The following POLD3 variants were observed in gnomAD, a reference collection of about 807,000 sequenced individuals.
POLD3 encodes DNA polymerase delta subunit 3.
In POLD3, 19 loss-of-function variants were observed where a neutral mutation model predicts 58.2. That is an observed-to-expected ratio of 0.33 (90% CI 0.23 to 0.48). The LOEUF is 0.48. POLD3 is among the 20% of genes least tolerant of loss of function. The probability of loss-of-function intolerance (pLI) is 0.99; values close to 1 mark genes in which losing one functional copy is unlikely to be tolerated. For synonymous variants in POLD3, 172 were observed against 193.5 expected, an observed-to-expected ratio of 0.89 and a Z score of 0.92; for missense variants, 504 against 545.5, an observed-to-expected ratio of 0.92 and a Z score of 0.76.
At chr11:74,647,585 G>A (rs1266627180), downstream of POLD3, among the ~76,000 whole-genome samples, 1 of 152,092 alleles carries the variant, frequency 6.6e-6, no homozygotes, top group Non-Finnish European at 1.5e-5. Context: ...GAATATATTG[G>A]TGCACTTACA....
intron 4 of POLD3, among the ~76,000 whole-genome samples, chr11:74,668,074 T>C (rs2033294184): frequency 6.6e-6 from 1 of 152,110 alleles, no homozygotes; most frequent in South Asian, 2.1e-4. Context: ...AAAGAGACAA[T>C]AGCAAGTGTT....
At chr11:74,654,785 A>G (rs1262130992) in intron 4 of POLD3, among the ~76,000 whole-genome samples, 2 of 152,138 alleles carry the variant, frequency 1.3e-5, no homozygotes, top group Non-Finnish European at 2.9e-5. Flanking sequence ...AATTTGAAAA[A>G]CTGCATGCCC....
At chr11:74,607,808 C>A (rs139852132) in intron 3 of POLD3, among the ~76,000 whole-genome samples, 2 of 152,140 alleles carry the variant, frequency 1.3e-5, no homozygotes, top group East Asian at 3.9e-4. Flanking sequence ...TCTTGAACTT[C>A]TAAGTTCAAG....
chr11:74,634,492 C>A, intron 9 of POLD3, 91 bp from the exon 10 acceptor site: 1 of 734,146 alleles, frequency 1.4e-6, no homozygotes, highest in Non-Finnish European at 2.5e-6. Flanking sequence ...ATCCCCTTTG[C>A]TGGACATGTC....
At chr11:74,648,095 G>T (rs1033989729) in intron 4 of POLD3, among the ~76,000 whole-genome samples, 1 of 152,152 alleles carries the variant, frequency 6.6e-6, no homozygotes, top group African/African-American at 2.4e-5. Context: ...ATATTTGAAC[G>T]CTTGTGATTA....
intron 8 of POLD3, among the ~76,000 whole-genome samples, chr11:74,626,069 A>G (rs1485130169): frequency 1.3e-5 from 2 of 152,206 alleles, no homozygotes; most frequent in Non-Finnish European, 2.9e-5. Flanking sequence ...AGATCCAGGA[A>G]TTGGAGACAC....
At chr11:74,644,791 G>A (rs1373316241), downstream of POLD3, among the ~76,000 whole-genome samples, 1 of 152,118 alleles carries the variant, frequency 6.6e-6, no homozygotes, top group Non-Finnish European at 1.5e-5. Context: ...TTGGCTCCCT[G>A]TACCTACTTT....
intron 11 of POLD3, among the ~76,000 whole-genome samples, chr11:74,639,658 G>A (rs1021373074): frequency 1.3e-5 from 2 of 152,074 alleles, no homozygotes; most frequent in Admixed American, 6.5e-5. Flanking sequence ...GATCCTCCTC[G>A]GTTATGTGAC....
intron 1 of POLD3, among the ~76,000 whole-genome samples, chr11:74,593,279 T>G (rs901772477): frequency 3.9e-5 from 6 of 152,206 alleles, no homozygotes; most frequent in African/African-American, 1.4e-4. Context: ...ATCTTTACAG[T>G]GACCTCCCCG....
In POLD3 at chr11:74,634,092, C is replaced by T. The variant is rs566172023; in HGVS notation, c.1007-491C>T. Reference sequence around the variant, plus strand: ...TAATGTCTTGTCCTCAATGGTAAGGCGGCATGGGATAGTTGGAATAGCAAG... The same window carrying T: ...TAATGTCTTGTCCTCAATGGTAAGGTGGCATGGGATAGTTGGAATAGCAAG... On this transcript the variant is annotated intron_variant, in intron 9 of 11. Transcript: ENST00000263681. Among the ~76,000 whole-genome samples the T allele has an allele frequency of 1.7e-3, 256 of 152,234 alleles. 1 individual carries two copies. Among genetic ancestry groups the T allele is most frequent in the Middle Eastern group, 6.8e-3 (2 of 294 alleles).
At chr11:74,603,718 T>C (rs763437297) in intron 2 of POLD3, among the ~76,000 whole-genome samples, 3 of 152,078 alleles carry the variant, frequency 2.0e-5, no homozygotes, top group Admixed American at 6.6e-5. Context: ...GGCATGGTTT[T>C]ATGGAAGCTG....
intron 4 of POLD3, among the ~76,000 whole-genome samples, chr11:74,651,511 G>A (rs2033068221): frequency 6.6e-6 from 1 of 152,146 alleles, no homozygotes; most frequent in Non-Finnish European, 1.5e-5. Context: ...ATAAATAATT[G>A]CATGAACAAT....
chr11:74,629,255 A>G lies in POLD3; in HGVS notation c.938A>G (p.Glu313Gly), dbSNP rs1341718345. 9.3e-6 allele frequency: 15 copies of G among 1,608,278 alleles called. No homozygotes were observed. In the African/African-American group the frequency reaches 2.0e-4, roughly 22 times the overall value. The change falls in exon 9 of 12, where the codon GAA becomes GGA. Residue 313 changes from glutamate (E) to glycine (G), a missense_variant. This residue lies in a region of POLD3 where 385 missense variants were observed against 370.5 expected (regional missense o/e 1.04). Transcript: ENST00000263681. ...RVALSDDETK[E>G]TENMRKKRRR... is the part of the protein sequence containing the mutation. ...GCATTATCTGATGATGAGACAAAGG[A>G]AACTGAAAACATGAGGAAAAAGAGG...
At chr11:74,649,050 C>T (rs1268705727) in intron 4 of POLD3, among the ~76,000 whole-genome samples, 1 of 152,104 alleles carries the variant, frequency 6.6e-6, no homozygotes, top group African/African-American at 2.4e-5. Context: ...AGCCATGGTC[C>T]TAGTTAAACC....
chr11:74,621,344 T>G (rs993017934), intron 7 of POLD3, among the ~76,000 whole-genome samples: 1 of 152,100 alleles, frequency 6.6e-6, no homozygotes, highest in Non-Finnish European at 1.5e-5. Context: ...GGGCTCCTTA[T>G]GAGAATCTAA....
chr11:74,618,895 A>G (rs951529545), intron 6 of POLD3, 91 bp downstream of exon 6: 2 of 1,083,212 alleles, frequency 1.8e-6, no homozygotes, highest in African/African-American at 3.2e-5. Context: ...GTTTATTTAT[A>G]TAAGATTCTG....
chr11:74,615,470 T>G (rs2032054990), intron 5 of POLD3, among the ~76,000 whole-genome samples: 1 of 152,200 alleles, frequency 6.6e-6, no homozygotes, highest in Admixed American at 6.5e-5. Flanking sequence ...AGTGATAGCC[T>G]TGGTAAGAGC....
At chr11:74,593,166 A>C in intron 1 of POLD3, 1 of 441,944 alleles carries the variant, frequency 2.3e-6, no homozygotes, top group Non-Finnish European at 3.1e-6. Flanking sequence ...TAGAGGTTTG[A>C]TCCGCTTCAC....
At chr11:74,653,076 A>G (rs1321123343) in intron 4 of POLD3, among the ~76,000 whole-genome samples, 1 of 152,168 alleles carries the variant, frequency 6.6e-6, no homozygotes, top group Non-Finnish European at 1.5e-5. Context: ...CTTCAAAAAT[A>G]CCTTCAATTT....
Sources: allele counts gnomAD v4.1 joint callset (sites outside exome capture counted in the v4.1 genomes callset), GRCh38; gene constraint gnomAD v4.1.1; regional missense constraint gnomAD v4.1.1; transcripts MANE v1.5; gene names NCBI Gene and HGNC (gene_info 2026-07-23, HGNC 2026-07-21).